WDR19: variants seen among roughly 807,000 people sequenced by gnomAD.
WDR19 encodes the protein WD repeat-containing protein 19.
A neutral mutation model predicts 180.0 loss-of-function variants in WDR19; 121 were observed. The ratio of observed to expected loss-of-function variants is 0.67; its 90% CI spans 0.58 to 0.78. The LOEUF is 0.78. Ranked by LOEUF, WDR19 falls within the 30% of genes least tolerant of loss-of-function variation. The pLI is 0.00. For missense variants in WDR19, 1,450 were observed against 1,640.7 expected (o/e 0.88, Z 2.01); for synonymous variants, 497 against 540.7 (o/e 0.92, Z 1.12).
At chr4:39,270,895 A>ATTTTT (rs33964549) in intron 31 of WDR19, among the ~76,000 whole-genome samples, 3 of 136,936 alleles carry the variant, frequency 2.2e-5, no homozygotes, top group Admixed American at 7.5e-5. Flanking sequence ...ATAGAAAAGA[A>ATTTTT]TTTTTTTTTT....
intron 24 of WDR19, among the ~76,000 whole-genome samples, chr4:39,250,612 C>G (rs1052952459): frequency 1.3e-5 from 2 of 152,116 alleles, no homozygotes; most frequent in Admixed American, 6.6e-5. Flanking sequence ...AAAACCCCAT[C>G]GTCTCAGCCC....
intron 29 of WDR19, among the ~76,000 whole-genome samples, 163 bp from the exon 30 acceptor site, chr4:39,267,832 A>G (rs1260700392): frequency 6.6e-6 from 1 of 152,242 alleles, no homozygotes; most frequent in Non-Finnish European, 1.5e-5. Context: ...TGAGCTCTGA[A>G]TAAATGTTTA....
intron 5 of WDR19, among the ~76,000 whole-genome samples, chr4:39,198,343 G>T (rs943339823): frequency 4.6e-5 from 7 of 151,876 alleles, no homozygotes; most frequent in African/African-American, 1.7e-4. Flanking sequence ...CGGATAACAA[G>T]GTCAGGAGAT....
chr4:39,186,586 G>A lies in WDR19; in HGVS notation c.146G>A (p.Ser49Asn). 2 of 1,579,008 alleles carry A rather than the reference G, an allele frequency of 1.3e-6. No individual in the cohort carries two copies. Among genetic ancestry groups the A allele is most frequent in the Non-Finnish European group, 1.7e-6 (2 of 1,165,354 alleles). ...TTTGATCGCCATGGTCAAAAAAGAA[G>A]TGAAATTAACTTACCTGGGTAAGTA... Reference protein sequence around the residue: ...KIFDRHGQKRSEINLPGNCVA... With the variant: ...KIFDRHGQKRNEINLPGNCVA... The change falls in exon 3 of 37, where the codon AGT (serine) becomes AAT (asparagine). Residue 49 changes from serine (S) to asparagine (N), a missense_variant. By Grantham distance (46) the Ser-to-Asn change is conservative. Transcript: ENST00000399820.
rs556890207 is a variant in WDR19 at position 39,183,299 on chromosome 4, G to C, written c.6+736G>C. 2.5e-5 allele frequency among the ~76,000 whole-genome samples: 3 copies of C among 122,348 alleles called. No homozygotes were observed. The South Asian group carries it at 8.5e-4, about 35-fold the overall frequency. 80.3% of individuals were successfully genotyped at this position (122,348 alleles called of 152,430 possible). A position where few individuals can be genotyped will look rare whatever the true frequency, so the allele number is the denominator to read the frequency against. On this transcript the variant is annotated intron_variant, in intron 1 of 36. Coordinates refer to ENST00000399820, the MANE Select transcript of WDR19 (RefSeq NM_025132.4). ...GAGTCTCGCTCTGTTACCCAGGCTG[G>C]AGTGCAGTGGCGCAATCTCTGCTCC...
intron 36 of WDR19, among the ~76,000 whole-genome samples, chr4:39,284,331 ATTTTTTTTTTT>A (rs143848496): frequency 1.1e-5 from 1 of 91,530 alleles, no homozygotes; most frequent in Non-Finnish European, 2.0e-5. Flanking sequence ...AGTAAAAAAA[ATTTTTTTTTTT>A]TTTTTTTTTT....
chr4:39,201,261 C>T (rs1727347940), intron 6 of WDR19, among the ~76,000 whole-genome samples: 1 of 152,104 alleles, frequency 6.6e-6, no homozygotes, highest in Non-Finnish European at 1.5e-5. Flanking sequence ...TGCATTTCAG[C>T]TCCAGGGAAA....
Position 39,200,990 on chromosome 4 carries a change from C to T in WDR19, c.522+1397C>T, listed in dbSNP as rs921505378. The stretch of plus-strand genomic sequence containing the variant: ...GAGTCTCTCAAAGATAGAAGGCTAT[C>T]TGAATCAGTCAGGGTATAGACTAAA... On this transcript the variant is annotated intron_variant, in intron 6 of 36. Coordinates refer to ENST00000399820, the MANE Select transcript of WDR19 (RefSeq NM_025132.4). Among the ~76,000 whole-genome samples the T allele has an allele frequency of 4.3e-4, 66 of 152,238 alleles. 1 individual carries two copies. The highest frequency in any genetic ancestry group is 8.8e-5 in the Non-Finnish European group (6 of 68,012).
In WDR19 at chr4:39,189,734, T is replaced by A; in HGVS notation, c.243T>A (p.Leu81=). 6.2e-7 allele frequency: 1 copy of A among 1,611,672 alleles called. No individual in the cohort carries two copies. Among genetic ancestry groups the A allele is most frequent in the Middle Eastern group, 1.7e-4 (1 of 6,056 alleles). Residue 81 remains leucine (L), a synonymous_variant, in exon 4 of 37, where the codon CTT becomes CTA. Transcript: ENST00000399820. ...CTGAGAAATCTAGCTGCATTTATCT[T>A]TGGGATGCCAACACAAATAAGACCA... ...VIAEKSSCIY[L]WDANTNKTSQ...
At chr4:39,194,423 G>C in intron 4 of WDR19, 121 bp from the exon 5 acceptor site, 1 of 583,324 alleles carries the variant, frequency 1.7e-6, no homozygotes, top group Middle Eastern at 4.6e-4. Flanking sequence ...AAAGCATTAA[G>C]TTGTATTTTG....
intron 31 of WDR19, among the ~76,000 whole-genome samples, chr4:39,271,485 C>T (rs2109502825): frequency 6.6e-6 from 1 of 152,218 alleles, no homozygotes; most frequent in Admixed American, 6.5e-5. Context: ...AGGAGGATCA[C>T]TTAAGCCCAG....
At chr4:39,230,382 C>T (rs1730713201) in intron 17 of WDR19, among the ~76,000 whole-genome samples, 1 of 152,176 alleles carries the variant, frequency 6.6e-6, no homozygotes, top group African/African-American at 2.4e-5. Context: ...CACAGGCAGT[C>T]CTGCTTGGGG....
chr4:39,235,708 T>C (rs946152219), intron 20 of WDR19, among the ~76,000 whole-genome samples: 1 of 151,806 alleles, frequency 6.6e-6, no homozygotes, highest in African/African-American at 2.4e-5. Flanking sequence ...ACCAACAGAA[T>C]GGCAAAAAAT....
In WDR19 at chr4:39,189,791, C is replaced by G. The variant is rs1207307907; in HGVS notation, c.290+10C>G. 6.3e-7 allele frequency: 1 copy of G among 1,586,146 alleles called. No homozygotes were observed. Among genetic ancestry groups the G allele is most frequent in the Non-Finnish European group, 8.5e-7 (1 of 1,171,224 alleles). ...TAGACAATGGCATGAGGTAAGATAA[C>G]TTTTTAATTTTTTAAAGCTTCACTT... On this transcript the variant is annotated intron_variant, in intron 4 of 36. Transcript: ENST00000399820.
At position 39,269,972 on chromosome 4, in the gene WDR19, C is replaced by G; in HGVS notation, c.3359-4C>G. 1 of 1,612,104 alleles carries G rather than the reference C, an allele frequency of 6.2e-7. No homozygotes were observed. Among genetic ancestry groups the G allele is most frequent in the South Asian group, 1.1e-5 (1 of 90,782 alleles). On this transcript the variant is annotated splice_region_variant and splice_polypyrimidine_tract_variant and intron_variant, in intron 30 of 36. Coordinates refer to ENST00000399820, the MANE Select transcript of WDR19 (RefSeq NM_025132.4). Reference sequence around the variant, plus strand: ...GTAATGTCGTTTTACCACCTTTTTTCAAGGCAACTACCGGAATGCACACGA... The same window carrying G: ...GTAATGTCGTTTTACCACCTTTTTTGAAGGCAACTACCGGAATGCACACGA...
At chr4:39,281,867 G>A (rs564932181) in intron 36 of WDR19, among the ~76,000 whole-genome samples, 3 of 151,986 alleles carry the variant, frequency 2.0e-5, no homozygotes, top group African/African-American at 7.3e-5. Flanking sequence ...TTTCTTTGGC[G>A]GGGGGAGGAT....
intron 3 of WDR19, 49 bp downstream of exon 3, chr4:39,186,653 A>G: frequency 8.0e-7 from 1 of 1,256,670 alleles, no homozygotes; most frequent in Non-Finnish European, 1.1e-6. Flanking sequence ...TTGTTGCCTA[A>G]AAGATTAAAA....
At chr4:39,240,751 ACCAG>A (rs1286133057) in intron 21 of WDR19, among the ~76,000 whole-genome samples, 2 of 151,982 alleles carry the variant, frequency 1.3e-5, no homozygotes, top group African/African-American at 4.8e-5. Flanking sequence ...GGAGTTCAAG[ACCAG>A]CCTGGCCAAT....
intron 6 of WDR19, among the ~76,000 whole-genome samples, chr4:39,202,524 A>T (rs1727471368): frequency 6.6e-6 from 1 of 152,160 alleles, no homozygotes; most frequent in South Asian, 2.1e-4. Flanking sequence ...ATATGACAAC[A>T]TATTCTGTTG....
Sources: allele counts gnomAD v4.1 joint callset (sites outside exome capture counted in the v4.1 genomes callset), GRCh38; gene constraint gnomAD v4.1.1; transcripts MANE v1.5; gene names NCBI Gene and HGNC (gene_info 2026-07-23, HGNC 2026-07-21).